Variants in SH3BP1 observed in about 807,000 individuals in gnomAD.
SH3BP1 encodes the protein SH3 domain-binding protein 1.
Under a neutral mutation model 69.8 loss-of-function variants are expected in SH3BP1, and 46 were observed. The ratio of observed to expected loss-of-function variants is 0.66; its 90% CI spans 0.52 to 0.84. The LOEUF (loss-of-function observed/expected upper bound fraction) is 0.84, where lower values mean the gene tolerates loss of function less well. Among genes scored for constraint, SH3BP1 ranks in the 40% least tolerant of loss-of-function variants. The pLI, the probability that SH3BP1 is intolerant of heterozygous loss-of-function variation, is 0.00. For missense variants in SH3BP1, 868 were observed against 930.9 expected (o/e 0.93, Z 0.88); for synonymous variants, 403 against 378.0 (o/e 1.07, Z -0.77).
rs1933025382 is a variant in SH3BP1 at position 37,655,866 on chromosome 22, C to T, written c.*182C>T. ...TCAGGACAATCCTCTATTTCCTGAC[C>T]TTTTCCTCGTCCACCCTGGGCTTGG... is the stretch of plus-strand genomic sequence containing the variant. On this transcript the variant is annotated 3_prime_UTR_variant, in exon 18 of 18. Coordinates refer to ENST00000649765, the MANE Select transcript of SH3BP1 (RefSeq NM_018957.6). 4 of 1,532,958 alleles carry T rather than the reference C, an allele frequency of 2.6e-6. No homozygotes were observed. In the Admixed American group the frequency reaches 6.0e-5, roughly 23 times the overall value. The allele number at this position is 1,532,958 out of a possible 1,614,324, so 95.0% of individuals were successfully genotyped here.
chr22:37,642,007 A>G (rs1397851280), intron 3 of SH3BP1: 1 of 177,094 alleles, frequency 5.6e-6, no homozygotes, highest in Non-Finnish European at 1.2e-5. Context: ...AAGTGGCAGA[A>G]CTGAGGTTTG....
intron 2 of SH3BP1, 83 bp downstream of exon 2, chr22:37,641,251 A>G: frequency 1.3e-6 from 2 of 1,514,284 alleles, no homozygotes; most frequent in South Asian, 2.4e-5. Flanking sequence ...GACGCCAGGT[A>G]GGGGCCTGGG....
rs1220248459 is a variant in SH3BP1, at chr22:37,655,668, C to T, written c.2090C>T (p.Ala697Val). 3 of 1,484,438 alleles carry T rather than the reference C, an allele frequency of 2.0e-6. No individual in the cohort carries two copies. The highest frequency in any genetic ancestry group is 2.7e-6 in the Non-Finnish European group (3 of 1,115,130). 92.0% of individuals were successfully genotyped at this position (1,484,438 alleles called of 1,614,324 possible). A position where few individuals can be genotyped will look rare whatever the true frequency, so the allele number is the denominator to read the frequency against. ...IPPQPRPRSLASETN is the reference protein window; with the variant it reads ...IPPQPRPRSLVSETN Reference sequence around the variant, plus strand: ...CCTCAGCCCCGCCCCAGGAGCCTTGCCTCAGAGACCAACTGAGTGGCTGGT... The same window carrying T: ...CCTCAGCCCCGCCCCAGGAGCCTTGTCTCAGAGACCAACTGAGTGGCTGGT... The change falls in exon 18 of 18, where the codon GCC (alanine) becomes GTC (valine). Residue 697 changes from alanine to valine, a missense_variant. By Grantham distance (64) the Ala-to-Val change is moderately conservative. Transcript: ENST00000649765.
intron 16 of SH3BP1, 88 bp from the exon 17 acceptor site, chr22:37,653,691 C>A: frequency 1.2e-6 from 1 of 867,024 alleles, no homozygotes; most frequent in Non-Finnish European, 1.9e-6. Context: ...AGGATCCGGA[C>A]TCCACCTGGC....
Position 37,639,742 on chromosome 22 carries a change from C to A in SH3BP1, c.-46C>A. 7.7e-7 allele frequency: 1 copy of A among 1,299,954 alleles called. No individual in the cohort carries two copies. The highest frequency in any genetic ancestry group is 1.0e-6 in the Non-Finnish European group (1 of 965,008). The allele number at this position is 1,299,954 out of a possible 1,614,324, so 80.5% of individuals were successfully genotyped here. ...CAGGCTGGACCGGGGGCTCCCCGGG[C>A]CCGCGACCCCCGCCGTGACCCCGCA... On this transcript the variant is annotated 5_prime_UTR_variant, in exon 1 of 18. Coordinates refer to ENST00000649765, the MANE Select transcript of SH3BP1 (RefSeq NM_018957.6).
intron 10 of SH3BP1, 51 bp from the exon 11 acceptor site, chr22:37,646,767 C>A (rs765147015): frequency 4.2e-5 from 50 of 1,190,488 alleles, no homozygotes; most frequent in Non-Finnish European, 5.6e-5. Context: ...GCCAGGGTGT[C>A]CTGCCCTGCC....
chr22:37,652,013 C>A lies in SH3BP1; in HGVS notation c.1598+1288C>A, dbSNP rs527919601. Among the ~76,000 whole-genome samples, 40 of 152,228 alleles carry A rather than the reference C, an allele frequency of 2.6e-4. 1 individual carries two copies. In the East Asian group the frequency reaches 3.3e-3, roughly 13 times the overall value. ...TGCTTCTCACCCACTCTCTGGCTTC[C>A]AGTGGCCAAAGCATCTCATAAAGAT... On this transcript the variant is annotated intron_variant, in intron 16 of 17. Coordinates refer to ENST00000649765, the MANE Select transcript of SH3BP1 (RefSeq NM_018957.6).
In SH3BP1 at chr22:37,641,457, G is replaced by T; in HGVS notation, c.186G>T (p.Gly62=). The T allele has an allele frequency of 6.4e-7, 1 of 1,551,074 alleles. No homozygotes were observed. The highest frequency in any genetic ancestry group is 8.7e-7 in the Non-Finnish European group (1 of 1,147,064). The change falls in exon 3 of 18, where the codon GGG becomes GGT. Residue 62 remains glycine, a synonymous_variant. Transcript: ENST00000649765. ...AGGCCTGTCTGCAGGGCCAGAGCGGGGCAGACATGGACAAGCGGGTGGTGA... is the reference window on the plus strand; with the variant it reads ...AGGCCTGTCTGCAGGGCCAGAGCGGTGCAGACATGGACAAGCGGGTGGTGA... ...RLQACLQGQS[G]ADMDKRVKKL...
At chr22:37,651,844 G>A (rs1292622459) in intron 16 of SH3BP1, among the ~76,000 whole-genome samples, 2 of 151,964 alleles carry the variant, frequency 1.3e-5, no homozygotes, top group Non-Finnish European at 2.9e-5. Context: ...AGTGTCAGGT[G>A]GAGAGGCGCT....
intron 15 of SH3BP1, 84 bp from the exon 16 acceptor site, chr22:37,650,458 A>G (rs1426844572): frequency 1.3e-6 from 2 of 1,533,590 alleles, no homozygotes; most frequent in Non-Finnish European, 1.8e-6. Flanking sequence ...AGATGGGTTC[A>G]GGGGAAGGGG....
In SH3BP1 at chr22:37,641,345, G is replaced by T; in HGVS notation, c.103-29G>T. 4 of 1,549,290 alleles carry T rather than the reference G, an allele frequency of 2.6e-6. No homozygotes were observed. In the South Asian group the frequency reaches 4.8e-5, roughly 18 times the overall value. The stretch of plus-strand genomic sequence containing the variant: ...TGCTCAGGGGGAGACAGCCTCTCTT[G>T]ATCCTTAACCTCCATACCTCCTTCC... On this transcript the variant is annotated intron_variant, in intron 2 of 17. Coordinates refer to ENST00000649765, the MANE Select transcript of SH3BP1 (RefSeq NM_018957.6).
chr22:37,651,075 C>A (rs1293657884), intron 16 of SH3BP1, among the ~76,000 whole-genome samples: 2 of 152,096 alleles, frequency 1.3e-5, no homozygotes, highest in African/African-American at 2.4e-5. Context: ...ACTCTGTCGC[C>A]CAGGCCAGAG....
At chr22:37,648,512 C>A in intron 14 of SH3BP1, 77 bp downstream of exon 14, 1 of 1,060,230 alleles carries the variant, frequency 9.4e-7, no homozygotes, top group Non-Finnish European at 1.4e-6. Flanking sequence ...TATTTTTCCC[C>A]GGGGCCTTGG....
rs922994696 is a variant in SH3BP1, at chr22:37,649,791, A to G, written c.1317-361A>G. On this transcript the variant is annotated intron_variant, in intron 14 of 17. Coordinates refer to ENST00000649765, the MANE Select transcript of SH3BP1 (RefSeq NM_018957.6). Reference sequence around the variant, plus strand: ...AGAGCAAGACTCTGTCTCAAAAAAAAAGAAGAAATAATAAAATTAAAGTGT... The same window carrying G: ...AGAGCAAGACTCTGTCTCAAAAAAAGAGAAGAAATAATAAAATTAAAGTGT... 7 of 315,196 alleles carry G rather than the reference A, an allele frequency of 2.2e-5. No homozygotes were observed. The East Asian group carries it at 4.8e-4, about 22-fold the overall frequency. The allele number at this position is 315,196 out of a possible 1,614,324, so 19.5% of individuals were successfully genotyped here.
In SH3BP1 at chr22:37,648,209, G is replaced by A. The variant is rs1932816612; in HGVS notation, c.1200-110G>A. 9.3e-6 allele frequency: 7 copies of A among 755,196 alleles called. No individual in the cohort carries two copies. In the African/African-American group the frequency reaches 1.0e-4, roughly 11 times the overall value. The allele number at this position is 755,196 out of a possible 1,614,324, so 46.8% of individuals were successfully genotyped here. On this transcript the variant is annotated intron_variant, in intron 13 of 17. Transcript: ENST00000649765. ...GATAAGCTGATTTAACTGTGACAAT[G>A]TTAAGACCATTCTGGGCGGTGTCTT...
At position 37,643,766 on chromosome 22, in the gene SH3BP1, A is replaced by C; in HGVS notation, c.596A>C (p.Lys199Thr). The C allele has an allele frequency of 6.2e-7, 1 of 1,613,554 alleles. No individual in the cohort carries two copies. Among genetic ancestry groups the C allele is most frequent in the Middle Eastern group, 1.7e-4 (1 of 6,042 alleles). The change falls in exon 7 of 18, where the codon AAG (lysine) becomes ACG (threonine). Residue 199 changes from lysine to threonine, a missense_variant. Around this residue, in one of 3 missense-constraint regions of SH3BP1, gnomAD observed 387 missense variants for 447.9 expected, o/e 0.86. Coordinates refer to ENST00000649765, the MANE Select transcript of SH3BP1 (RefSeq NM_018957.6). ...CTGAAGGAGGAGGAGGAGGAGCTGA[A>C]GAGGAAAGTGGAGCAATGCAGGGTG... is the stretch of plus-strand genomic sequence containing the variant. ...ETLKEEEEEL[K>T]RKVEQCRDEY...
At position 37,655,573 on chromosome 22, in the gene SH3BP1, G is replaced by T; in HGVS notation, c.1995G>T (p.Leu665=). ...VSLSNPAQVD[L]GAATAEGGAP... ...TGAGTAACCCTGCACAGGTGGACCT[G>T]GGGGCTGCCACAGCAGAGGGAGGAG... The change falls in exon 18 of 18, where the codon CTG becomes CTT. Residue 665 remains leucine, a synonymous_variant. Transcript: ENST00000649765. 6.3e-7 allele frequency: 1 copy of T among 1,592,344 alleles called. No individual in the cohort carries two copies. The highest frequency in any genetic ancestry group is 8.5e-7 in the Non-Finnish European group (1 of 1,170,258).
At chr22:37,654,404 C>T (rs1932957447) in intron 17 of SH3BP1, among the ~76,000 whole-genome samples, 1 of 151,970 alleles carries the variant, frequency 6.6e-6, no homozygotes, top group Non-Finnish European at 1.5e-5. Flanking sequence ...AACCTCACCT[C>T]TACTAAAAAT....
chr22:37,644,353 C>G (rs553190147), intron 7 of SH3BP1, among the ~76,000 whole-genome samples: 1 of 152,166 alleles, frequency 6.6e-6, no homozygotes, highest in Admixed American at 6.5e-5. Flanking sequence ...CACTCCAGCC[C>G]GGGCAACAGT....
Sources: allele counts gnomAD v4.1 joint callset (sites outside exome capture counted in the v4.1 genomes callset), GRCh38; gene constraint gnomAD v4.1.1; regional missense constraint gnomAD v4.1.1; transcripts MANE v1.5; gene names NCBI Gene and HGNC (gene_info 2026-07-23, HGNC 2026-07-21).